Variants in FCER1G observed in about 807,000 individuals in gnomAD.
FCER1G encodes high affinity immunoglobulin epsilon receptor subunit gamma.
FCER1G carries 7 observed loss-of-function variants against 17.3 expected under a neutral mutation model. The observed-to-expected ratio is 0.40, with a 90% CI of 0.23 to 0.76. FCER1G has a LOEUF of 0.76. Ranked by LOEUF, FCER1G falls within the 30% of genes least tolerant of loss-of-function variation. The pLI is 0.35. For missense variants in FCER1G, 87 were observed against 97.7 expected, an observed-to-expected ratio of 0.89 and a Z score of 0.46; for synonymous variants, 35 against 38.7, an observed-to-expected ratio of 0.90 and a Z score of 0.35.
chr1:161,218,149 G>A, intron 2 of FCER1G, 72 bp downstream of exon 2: 1 of 1,538,350 alleles, frequency 6.5e-7, no homozygotes, highest in South Asian at 1.1e-5. Flanking sequence ...GATTCGAAGA[G>A]AAGGAATAAA....
chr1:161,218,202 T>G (rs371703601), intron 2 of FCER1G, 39 bp from the exon 3 acceptor site: 1 of 1,603,164 alleles, frequency 6.2e-7, no homozygotes, highest in African/African-American at 1.3e-5. Context: ...GGATGGGCCA[T>G]TAACTTACCC....
chr1:161,218,300 G>A (rs1237327507), intron 3 of FCER1G, 24 bp downstream of exon 3: 3 of 1,607,286 alleles, frequency 1.9e-6, no homozygotes, highest in Admixed American at 1.7e-5. Context: ...TACACCTGGT[G>A]TGGACAACTT....
At position 161,215,345 on chromosome 1, in the gene FCER1G, C is replaced by T. The variant is rs369286776; in HGVS notation, c.24C>T (p.Leu8=). 1.4e-5 allele frequency: 22 copies of T among 1,613,674 alleles called. No homozygotes were observed. Among genetic ancestry groups the T allele is most frequent in the African/African-American group, 2.7e-5 (2 of 74,874 alleles). The change falls in exon 1 of 5, where the codon CTC becomes CTT. Residue 8 remains leucine (L), a synonymous_variant. Coordinates refer to ENST00000289902, the MANE Select transcript of FCER1G (RefSeq NM_004106.2). Reference sequence around the variant, plus strand: ...AGATGATTCCAGCAGTGGTCTTGCTCTTACTCCTTTTGGTTGAACAAGCAG... The same window carrying T: ...AGATGATTCCAGCAGTGGTCTTGCTTTTACTCCTTTTGGTTGAACAAGCAG... MIPAVVL[L]LLLLVEQAAA...
At chr1:161,218,167 C>A in intron 2 of FCER1G, 74 bp from the exon 3 acceptor site, 2 of 1,537,114 alleles carry the variant, frequency 1.3e-6, no homozygotes, top group Non-Finnish European at 1.8e-6. Context: ...AAAAGGGGAT[C>A]CTCCACAAAG....
Position 161,215,356 on chromosome 1 carries a change from T to C in FCER1G, c.35T>C (p.Leu12Ser). ...GCAGTGGTCTTGCTCTTACTCCTTT[T>C]GGTTGAACAAGCAGGTAAGAGGGTT... ...IPAVVLLLLL[L>S]VEQAAALGEP... Residue 12 changes from leucine (L) to serine (S), a missense_variant, in exon 1 of 5, where the codon TTG becomes TCG. Leu to Ser is a moderately radical substitution (Grantham distance 145, BLOSUM62 -2). Coordinates refer to ENST00000289902, the MANE Select transcript of FCER1G (RefSeq NM_004106.2). 1 of 1,613,642 alleles carries C rather than the reference T, an allele frequency of 6.2e-7. No homozygotes were observed. The highest frequency in any genetic ancestry group is 1.3e-5 in the African/African-American group (1 of 74,984).
At chr1:161,217,384 A>C (rs1057350204) in intron 1 of FCER1G, among the ~76,000 whole-genome samples, 5 of 135,580 alleles carry the variant, frequency 3.7e-5, no homozygotes, top group African/African-American at 1.4e-4. Context: ...AAACAGACAC[A>C]CTTTTTTTTT....
At chr1:161,218,209 A>G (rs766723478) in intron 2 of FCER1G, 32 bp from the exon 3 acceptor site, 1 of 1,608,726 alleles carries the variant, frequency 6.2e-7, no homozygotes, top group East Asian at 2.2e-5. Context: ...CCATTAACTT[A>G]CCCTTTACTG....
intron 1 of FCER1G, among the ~76,000 whole-genome samples, chr1:161,217,258 C>T (rs1666070229): frequency 6.6e-6 from 1 of 152,112 alleles, no homozygotes; most frequent in Admixed American, 6.6e-5. Context: ...AACTTCCCCT[C>T]TCAGAGACCC....
rs925821849 is a variant in FCER1G at position 161,215,942 on chromosome 1, C to T, written c.49+572C>T. ...GTCTTACTATGTTGGCCACATCGGT[C>T]TTGAACTCCTGGCCTCAAGCAATTC... is the stretch of plus-strand genomic sequence containing the variant. On this transcript the variant is annotated intron_variant, in intron 1 of 4. Transcript: ENST00000289902. Among the ~76,000 whole-genome samples, 140 of 151,892 alleles carry T rather than the reference C, an allele frequency of 9.2e-4. 1 individual carries two copies. Among genetic ancestry groups the T allele is most frequent in the African/African-American group, 3.3e-3 (135 of 41,334 alleles).
intron 2 of FCER1G, 66 bp from the exon 3 acceptor site, chr1:161,218,173 CAA>C (rs908499606): frequency 1.3e-6 from 2 of 1,541,360 alleles, no homozygotes; most frequent in African/African-American, 2.7e-5. Context: ...GGATCCTCCA[CAA>C]AGTTTGGAGG....
At chr1:161,217,078 T>G (rs1230483228) in intron 1 of FCER1G, among the ~76,000 whole-genome samples, 2 of 152,192 alleles carry the variant, frequency 1.3e-5, no homozygotes, top group African/African-American at 4.8e-5. Flanking sequence ...ACAGGGTAGT[T>G]TTAAGATTTG....
At chr1:161,215,707 C>T (rs1038631389) in intron 1 of FCER1G, among the ~76,000 whole-genome samples, 3 of 152,070 alleles carry the variant, frequency 2.0e-5, no homozygotes, top group Non-Finnish European at 4.4e-5. Flanking sequence ...ATTCTCCTGC[C>T]TCAGGCTCCC....
intron 1 of FCER1G, 109 bp downstream of exon 1, chr1:161,215,479 G>A (rs1666013584): frequency 6.3e-6 from 6 of 951,604 alleles, no homozygotes; most frequent in Admixed American, 1.7e-5. Flanking sequence ...ACAGTGGGTA[G>A]GTGGGCATAG....
chr1:161,218,293 A>G lies in FCER1G; in HGVS notation c.177+17A>G. On this transcript the variant is annotated intron_variant, in intron 3 of 4. Transcript: ENST00000289902. ...AGCTATGAGGTATGGACCCTCCTAC[A>G]CCTGGTGTGGACAACTTTTCAGACC... The G allele has an allele frequency of 1.2e-6, 2 of 1,610,500 alleles. No homozygotes were observed. Among genetic ancestry groups the G allele is most frequent in the South Asian group, 1.1e-5 (1 of 90,990 alleles).
At chr1:161,216,914 G>A (rs530134226) in intron 1 of FCER1G, among the ~76,000 whole-genome samples, 3 of 152,286 alleles carry the variant, frequency 2.0e-5, no homozygotes, top group East Asian at 1.9e-4. Flanking sequence ...GAGGAGGCCC[G>A]CTGAGGCACA....
chr1:161,218,713 GTGT>G lies in FCER1G; in HGVS notation c.190_192del (p.Val64del). The stretch of plus-strand genomic sequence containing the variant: ...CTTTTGTCTCTGCAGAAATCAGATG[GTGT>G]TTACACGGTAAGTGTGCCTACCTCC... On this transcript the variant is annotated inframe_deletion, in exon 4 of 5. Coordinates refer to ENST00000289902, the MANE Select transcript of FCER1G (RefSeq NM_004106.2). 6.2e-7 allele frequency: 1 copy of G among 1,614,044 alleles called. No homozygotes were observed. Among genetic ancestry groups the G allele is most frequent in the Non-Finnish European group, 8.5e-7 (1 of 1,179,970 alleles).
intron 1 of FCER1G, among the ~76,000 whole-genome samples, chr1:161,215,953 G>A (rs1169243015): frequency 6.6e-6 from 1 of 151,820 alleles, no homozygotes; most frequent in Non-Finnish European, 1.5e-5. Flanking sequence ...TTGAACTCCT[G>A]GCCTCAAGCA....
chr1:161,215,391 A>G lies in FCER1G; in HGVS notation c.49+21A>G, dbSNP rs747878668. 4 of 1,610,304 alleles carry G rather than the reference A, an allele frequency of 2.5e-6. No individual in the cohort carries two copies. The South Asian group carries it at 4.4e-5, about 18-fold the overall frequency. On this transcript the variant is annotated intron_variant, in intron 1 of 4. Coordinates refer to ENST00000289902, the MANE Select transcript of FCER1G (RefSeq NM_004106.2). ...AGCAGGTAAGAGGGTTTGGTGAGGGATAGCGTGAGCTGGCTCCAGGGTGGA... is the reference window on the plus strand; with the variant it reads ...AGCAGGTAAGAGGGTTTGGTGAGGGGTAGCGTGAGCTGGCTCCAGGGTGGA...
chr1:161,216,409 C>CAT (rs1269808605), intron 1 of FCER1G, among the ~76,000 whole-genome samples: 99 of 141,882 alleles, frequency 7.0e-4, no homozygotes, highest in South Asian at 1.6e-3. Flanking sequence ...CACACACACA[C>CAT]ACATATATAT....
Sources: allele counts gnomAD v4.1 joint callset (sites outside exome capture counted in the v4.1 genomes callset), GRCh38; gene constraint gnomAD v4.1.1; transcripts MANE v1.5; gene names NCBI Gene and HGNC (gene_info 2026-07-23, HGNC 2026-07-21).